The following PATJ variants were observed in gnomAD, a reference collection of about 807,000 sequenced individuals.
The protein encoded by PATJ is PATJ crumbs cell polarity complex component.
A neutral mutation model predicts 224.9 loss-of-function variants in PATJ; 190 were observed. That is an observed-to-expected ratio of 0.84 (90% CI 0.75 to 0.95). The LOEUF (loss-of-function observed/expected upper bound fraction) is 0.95, where lower values mean the gene tolerates loss of function less well. Ranked by LOEUF, PATJ falls within the 40% of genes least tolerant of loss-of-function variation. PATJ has a pLI of 0.00. For missense variants in PATJ, 2,121 were observed against 2,270.3 expected, an observed-to-expected ratio of 0.93 and a Z score of 1.34; for synonymous variants, 769 against 820.3, an observed-to-expected ratio of 0.94 and a Z score of 1.07.
intron 27 of PATJ, among the ~76,000 whole-genome samples, chr1:61,963,951 T>C (rs1440856825): frequency 6.6e-6 from 1 of 152,240 alleles, no homozygotes; most frequent in African/African-American, 2.4e-5. Flanking sequence ...CTTGGAACTA[T>C]TTTAAAAGCT....
rs1665897125 is a variant in PATJ, at chr1:62,127,987, C to T, written c.5059C>T (p.Leu1687Phe). ...CCTTTTTTAGGAGCTCAGTGATGCC[C>T]TTGGAATCAGTATTGCTGGAGGAAG... ...VEINRELSDA[L>F]GISIAGGRGS... Residue 1687 changes from leucine (L) to phenylalanine (F), a missense_variant, in exon 40 of 44, where the codon CTT (leucine) becomes TTT (phenylalanine). Physicochemically the swap from Leu to Phe is conservative, Grantham distance 22. Coordinates refer to ENST00000642238, the MANE Select transcript of PATJ (RefSeq NM_001350145.3). 1.2e-6 allele frequency: 2 copies of T among 1,613,880 alleles called. No homozygotes were observed. Among genetic ancestry groups the T allele is most frequent in the African/African-American group, 1.3e-5 (1 of 75,026 alleles).
intron 1 of PATJ, among the ~76,000 whole-genome samples, 195 bp downstream of exon 1, chr1:61,742,750 C>G (rs1355216058): frequency 1.3e-5 from 2 of 150,630 alleles, no homozygotes; most frequent in Admixed American, 1.3e-4. Flanking sequence ...GGGGCCGCGG[C>G]GAGGATGGGG....
At chr1:62,048,217 T>C (rs1339500741) in intron 30 of PATJ, among the ~76,000 whole-genome samples, 1 of 152,142 alleles carries the variant, frequency 6.6e-6, no homozygotes, top group East Asian at 1.9e-4. Flanking sequence ...AACAAAAAGC[T>C]AGAAACAGTT....
chr1:61,798,113 C>T (rs757772412), intron 11 of PATJ, among the ~76,000 whole-genome samples: 1 of 152,166 alleles, frequency 6.6e-6, no homozygotes, highest in African/African-American at 2.4e-5. Context: ...GCCAGGTTTC[C>T]TATTACTTTT....
intron 14 of PATJ, among the ~76,000 whole-genome samples, chr1:61,818,682 A>G (rs1245849219): frequency 1.3e-5 from 2 of 152,332 alleles, no homozygotes; most frequent in Admixed American, 6.5e-5. Flanking sequence ...TGTTCACCCT[A>G]ATTGAAGATA....
At chr1:62,156,849 A>G (rs1302986828) in intron 43 of PATJ, among the ~76,000 whole-genome samples, 4 of 144,792 alleles carry the variant, frequency 2.8e-5, no homozygotes, top group African/African-American at 1.0e-4. Context: ...CCAGGAGGTG[A>G]AATCTGCAGT....
chr1:61,918,829 G>A (rs1673843309), intron 26 of PATJ, among the ~76,000 whole-genome samples: 1 of 151,972 alleles, frequency 6.6e-6, no homozygotes, highest in Admixed American at 6.6e-5. Flanking sequence ...TGGGTGTGGT[G>A]GTGTGCACCT....
At chr1:61,805,298 G>T in intron 12 of PATJ, 150 bp from the exon 13 acceptor site, 1 of 569,998 alleles carries the variant, frequency 1.8e-6, no homozygotes, top group Non-Finnish European at 3.1e-6. Flanking sequence ...ACTTTACCTA[G>T]CAGACCTAAG....
At chr1:61,905,007 G>T (rs576130391) in intron 24 of PATJ, among the ~76,000 whole-genome samples, 1 of 152,230 alleles carries the variant, frequency 6.6e-6, no homozygotes, top group Non-Finnish European at 1.5e-5. Flanking sequence ...AATGGATTGA[G>T]TCCAAGAGTT....
chr1:61,941,280 A>T (rs899410947), intron 27 of PATJ, among the ~76,000 whole-genome samples: 4 of 152,264 alleles, frequency 2.6e-5, no homozygotes, highest in Admixed American at 6.5e-5. Context: ...CTTATGGCAT[A>T]ACTTTATTAT....
chr1:61,874,777 T>G (rs993093677), intron 20 of PATJ, among the ~76,000 whole-genome samples: 1 of 152,246 alleles, frequency 6.6e-6, no homozygotes, highest in Admixed American at 6.5e-5. Context: ...GGTTTTAGGT[T>G]TGATAACTTA....
In PATJ at chr1:61,775,345, C is replaced by G. The variant is rs560127870; in HGVS notation, c.849+11C>G. 3 of 1,597,344 alleles carry G rather than the reference C, an allele frequency of 1.9e-6. No homozygotes were observed. Among genetic ancestry groups the G allele is most frequent in the South Asian group, 2.3e-5 (2 of 87,048 alleles). On this transcript the variant is annotated intron_variant, in intron 7 of 43. Transcript: ENST00000642238. ...GGATTAGCAGATCGAGTAAGTCAACCTTCCTTGTTATCATTTTGGTTTTAT... is the reference window on the plus strand; with the variant it reads ...GGATTAGCAGATCGAGTAAGTCAACGTTCCTTGTTATCATTTTGGTTTTAT...
chr1:62,138,153 T>G (rs1012960600), intron 41 of PATJ, among the ~76,000 whole-genome samples: 2 of 152,184 alleles, frequency 1.3e-5, no homozygotes, highest in African/African-American at 2.4e-5. Flanking sequence ...AGTGAGACTT[T>G]AAGTAAACAC....
intron 10 of PATJ, among the ~76,000 whole-genome samples, chr1:61,797,043 G>C (rs1570557226): frequency 6.6e-6 from 1 of 151,844 alleles, no homozygotes; most frequent in African/African-American, 2.4e-5. Flanking sequence ...ATTTTTGTAT[G>C]TTTAGTAGAG....
intron 27 of PATJ, among the ~76,000 whole-genome samples, chr1:61,960,178 C>T (rs1681068895): frequency 6.6e-6 from 1 of 152,116 alleles, no homozygotes; most frequent in Admixed American, 6.5e-5. Flanking sequence ...ATTTTAGCCC[C>T]AGATCATCTC....
At chr1:61,981,835 C>T (rs771278573) in intron 27 of PATJ, among the ~76,000 whole-genome samples, 12 of 152,022 alleles carry the variant, frequency 7.9e-5, no homozygotes, top group Non-Finnish European at 1.8e-4. Flanking sequence ...CCACATCCAG[C>T]TAATTTTGGA....
intron 22 of PATJ, among the ~76,000 whole-genome samples, chr1:61,892,549 A>G (rs566041711): frequency 3.9e-5 from 6 of 152,216 alleles, no homozygotes; most frequent in African/African-American, 1.4e-4. Context: ...ATTTGTGATA[A>G]AGGCCTGAAA....
chr1:61,776,174 A>C (rs1646902785), intron 7 of PATJ, among the ~76,000 whole-genome samples: 1 of 152,200 alleles, frequency 6.6e-6, no homozygotes, highest in Non-Finnish European at 1.5e-5. Context: ...TGATGTTCCT[A>C]TCATCATTTC....
chr1:62,047,222 G>A (rs1199317331), intron 30 of PATJ, among the ~76,000 whole-genome samples: 6 of 152,182 alleles, frequency 3.9e-5, no homozygotes, highest in East Asian at 3.9e-4. Flanking sequence ...CTGTGGGTTC[G>A]TTCTACAGTC....
Sources: allele counts gnomAD v4.1 joint callset (sites outside exome capture counted in the v4.1 genomes callset), GRCh38; gene constraint gnomAD v4.1.1; transcripts MANE v1.5; gene names NCBI Gene and HGNC (gene_info 2026-07-23, HGNC 2026-07-21).